RIC3: variants seen among roughly 807,000 people sequenced by gnomAD.
The protein encoded by RIC3 is RIC3 acetylcholine receptor chaperone, also known as protein RIC-3.
In RIC3, 28 loss-of-function variants were observed where a neutral mutation model predicts 27.3. The ratio of observed to expected loss-of-function variants is 1.02; its 90% CI spans 0.76 to 1.41. The LOEUF is 1.41. Ranked by LOEUF, RIC3 falls within the 40% of genes most tolerant of loss-of-function variation. The probability of loss-of-function intolerance (pLI) is 0.00; values close to 1 mark genes in which losing one functional copy is unlikely to be tolerated. For synonymous variants in RIC3, 184 were observed against 160.4 expected, an observed-to-expected ratio of 1.15 and a Z score of -1.11; for missense variants, 501 against 444.7, an observed-to-expected ratio of 1.13 and a Z score of -1.14.
chr11:8,150,291 A>G (rs1392762759), intron 1 of RIC3, among the ~76,000 whole-genome samples: 1 of 152,182 alleles, frequency 6.6e-6, no homozygotes. Flanking sequence ...TTTATAAATC[A>G]TATTTTTTAA....
chr11:8,112,079 T>C (rs1221840702), intron 5 of RIC3, among the ~76,000 whole-genome samples: 1 of 152,246 alleles, frequency 6.6e-6, no homozygotes, highest in Non-Finnish European at 1.5e-5. Context: ...TTTGGTGCAA[T>C]GTAGGGTGTG....
At chr11:8,167,599 G>A (rs1273935204) in intron 1 of RIC3, among the ~76,000 whole-genome samples, 1 of 144,886 alleles carries the variant, frequency 6.9e-6, no homozygotes, top group African/African-American at 2.6e-5. Context: ...CCCACTCACA[G>A]TCAATAGTAC....
chr11:8,166,998 G>C (rs1298111526), intron 1 of RIC3, among the ~76,000 whole-genome samples: 1 of 152,162 alleles, frequency 6.6e-6, no homozygotes, highest in East Asian at 1.9e-4. Flanking sequence ...TCTCAATGGT[G>C]TATGTAACCC....
chr11:8,127,942 T>C (rs960834113), intron 4 of RIC3, among the ~76,000 whole-genome samples: 2 of 152,200 alleles, frequency 1.3e-5, no homozygotes, highest in African/African-American at 4.8e-5. Context: ...AAAATGAACA[T>C]TACCAGAGAC....
intron 1 of RIC3, among the ~76,000 whole-genome samples, chr11:8,167,087 C>T (rs1222118133): frequency 6.6e-6 from 1 of 152,158 alleles, no homozygotes; most frequent in Non-Finnish European, 1.5e-5. Flanking sequence ...CTAGGTTATA[C>T]TACTTCAGTA....
At chr11:8,097,509 A>G in the RIC3 span, 1 of 1,570,212 alleles carries the variant, frequency 6.4e-7, no homozygotes, top group East Asian at 2.2e-5. Context: ...GAAGTCTCAT[A>G]TCTACCACTG....
rs773808218 is a variant in RIC3 at position 8,108,917 on chromosome 11, C to G, written c.*1781G>C. The G allele has an allele frequency of 6.6e-6, 1 of 152,170 alleles. No individual in the cohort carries two copies. The highest frequency in any genetic ancestry group is 6.5e-5 in the Admixed American group (1 of 15,278). 9.4% of individuals were successfully genotyped at this position (152,170 alleles called of 1,614,324 possible). ...TCATGAATCAACCCCTCACAGTGAA[C>G]GAAGGGAAATAACACAGAAAACAAT... On this transcript the variant is annotated 3_prime_UTR_variant, in exon 6 of 6. Transcript: ENST00000309737.
At chr11:8,094,456 A>C in the RIC3 span, among the ~76,000 whole-genome samples, 1 of 152,012 alleles carries the variant, frequency 6.6e-6, no homozygotes, top group Admixed American at 6.6e-5. Flanking sequence ...ACCGTCCCCC[A>C]CCTCAGCTAC....
At chr11:8,166,415 T>C (rs928954905) in intron 1 of RIC3, among the ~76,000 whole-genome samples, 6 of 152,190 alleles carry the variant, frequency 3.9e-5, no homozygotes, top group African/African-American at 1.4e-4. Context: ...TGCACATCAA[T>C]GGGCAAAAAT....
intron 1 of RIC3, among the ~76,000 whole-genome samples, chr11:8,156,503 G>C (rs1234270642): frequency 6.6e-6 from 1 of 152,120 alleles, no homozygotes; most frequent in Admixed American, 6.6e-5. Context: ...AACAAATTCT[G>C]ATTTTCCCTC....
Position 8,138,357 on chromosome 11 carries a change from G to C in RIC3, c.352-10C>G. The C allele has an allele frequency of 6.3e-7, 1 of 1,588,836 alleles. No individual in the cohort carries two copies. Among genetic ancestry groups the C allele is most frequent in the East Asian group, 2.2e-5 (1 of 44,642 alleles). On this transcript the variant is annotated splice_polypyrimidine_tract_variant and intron_variant, in intron 2 of 5. Coordinates refer to ENST00000309737, the MANE Select transcript of RIC3 (RefSeq NM_001206671.4). ...TTTTCCCCTTTGAGAGCTGAGAATT[G>C]AAGGAGGTATAGCACATCAACAGCA...
the RIC3 span, chr11:8,100,359 C>T: frequency 1.5e-6 from 1 of 672,246 alleles, no homozygotes; most frequent in Non-Finnish European, 2.7e-6. Context: ...TCAGTTCTGG[C>T]CGTGTTAGGT....
intron 1 of RIC3, among the ~76,000 whole-genome samples, chr11:8,143,522 T>C (rs891061816): frequency 2.6e-5 from 4 of 151,340 alleles, no homozygotes; most frequent in African/African-American, 9.7e-5. Context: ...CTCAAGGAAA[T>C]AAAAGAGGAT....
At chr11:8,100,795 G>A in the RIC3 span, 2 of 1,611,376 alleles carry the variant, frequency 1.2e-6, no homozygotes, top group Non-Finnish European at 8.5e-7. Context: ...CCAAAGGCCT[G>A]GGCCTGGCTC....
the RIC3 span, among the ~76,000 whole-genome samples, chr11:8,094,511 A>G: frequency 6.6e-6 from 1 of 152,116 alleles, no homozygotes; most frequent in East Asian, 1.9e-4. Context: ...GGAGGATCTC[A>G]CCCAGCCTGG....
intron 1 of RIC3, 79 bp downstream of exon 1, chr11:8,168,787 C>G: frequency 6.5e-7 from 1 of 1,533,702 alleles, no homozygotes; most frequent in Non-Finnish European, 8.8e-7. Context: ...TGCAGACTCT[C>G]AGAGTCACCC....
intron 5 of RIC3, among the ~76,000 whole-genome samples, chr11:8,123,038 A>G (rs1946632534): frequency 6.6e-6 from 1 of 152,094 alleles, no homozygotes; most frequent in Non-Finnish European, 1.5e-5. Flanking sequence ...AATAAATGAG[A>G]CATAAAAAAG....
At chr11:8,098,803 C>G in the RIC3 span, 1 of 1,614,158 alleles carries the variant, frequency 6.2e-7, no homozygotes, top group South Asian at 1.1e-5. Context: ...ACAATGGAGT[C>G]AACCCTCAGA....
chr11:8,139,110 A>T (rs1342200653), intron 2 of RIC3: 1 of 152,356 alleles, frequency 6.6e-6, no homozygotes, highest in African/African-American at 2.4e-5. Flanking sequence ...GGCACCAGAG[A>T]ACAAGCATTT....
Sources: allele counts gnomAD v4.1 joint callset (sites outside exome capture counted in the v4.1 genomes callset), GRCh38; gene constraint gnomAD v4.1.1; transcripts MANE v1.5; gene names NCBI Gene and HGNC (gene_info 2026-07-23, HGNC 2026-07-21).